The following MDGA2 variants were observed in gnomAD, a reference collection of about 807,000 sequenced individuals.
MDGA2 encodes the protein MAM domain-containing glycosylphosphatidylinositol anchor protein 2.
MDGA2 carries 40 observed loss-of-function variants against 117.8 expected under a neutral mutation model. The ratio of observed to expected loss-of-function variants is 0.34; its 90% CI spans 0.26 to 0.44. MDGA2 has a LOEUF of 0.44. MDGA2 is among the 20% of genes least tolerant of loss of function. The probability of loss-of-function intolerance (pLI) is 1.00; values close to 1 mark genes in which losing one functional copy is unlikely to be tolerated. For missense variants in MDGA2, 1,123 were observed against 1,250.6 expected, an observed-to-expected ratio of 0.90 and a Z score of 1.54; for synonymous variants, 452 against 439.0, an observed-to-expected ratio of 1.03 and a Z score of -0.37.
intron 1 of MDGA2, 150 bp from the exon 2 acceptor site, chr14:47,301,700 A>C: frequency 1.3e-6 from 1 of 755,466 alleles, no homozygotes; most frequent in Non-Finnish European, 2.1e-6. Flanking sequence ...TCCCCAAGGC[A>C]TTAAAGATTT....
At chr14:47,272,203 C>T (rs762711718) in intron 2 of MDGA2, among the ~76,000 whole-genome samples, 3 of 143,044 alleles carry the variant, frequency 2.1e-5, no homozygotes, top group East Asian at 2.9e-4. Context: ...TAACTACCTG[C>T]CCAGGCCCTT....
At chr14:47,066,524 A>G (rs1890087488) in intron 6 of MDGA2, among the ~76,000 whole-genome samples, 1 of 152,222 alleles carries the variant, frequency 6.6e-6, no homozygotes, top group Admixed American at 6.5e-5. Context: ...TGTGAGGAAG[A>G]GAATTCTGTA....
intron 15 of MDGA2, among the ~76,000 whole-genome samples, chr14:46,851,175 G>C (rs1271963632): frequency 6.6e-6 from 1 of 151,768 alleles, no homozygotes; most frequent in Non-Finnish European, 1.5e-5. Flanking sequence ...AGAGCAGGAG[G>C]TTTCCAGAAT....
intron 1 of MDGA2, among the ~76,000 whole-genome samples, chr14:47,561,141 G>GTTTGTTTTTTTTTTTTTTTTTTT (rs1555332241): frequency 9.6e-5 from 5 of 52,148 alleles, no homozygotes; most frequent in Non-Finnish European, 1.7e-4. Flanking sequence ...CTCTATCTTT[G>GTTTGTTTTTTTTTTTTTTTTTTT]TTTTTTTTTT....
chr14:47,260,836 A>T (rs1887771950), intron 2 of MDGA2, among the ~76,000 whole-genome samples: 1 of 152,038 alleles, frequency 6.6e-6, no homozygotes, highest in South Asian at 2.1e-4. Context: ...CTTTGTACAT[A>T]GTACGTTGTA....
chr14:47,572,270 C>G (rs990538447), intron 1 of MDGA2, among the ~76,000 whole-genome samples: 1 of 152,148 alleles, frequency 6.6e-6, no homozygotes, highest in Non-Finnish European at 1.5e-5. Context: ...TCCATGTGCT[C>G]TCTTATTACT....
intron 1 of MDGA2, among the ~76,000 whole-genome samples, chr14:47,641,914 CAGAGGAGAGTGAAGGG>C (rs1897432449): frequency 6.6e-6 from 1 of 151,912 alleles, no homozygotes; most frequent in Admixed American, 6.6e-5. Flanking sequence ...AAGAGGAGAG[CAGAGGAGAGTGAAGGG>C]GAAAGAAGAG....
At chr14:47,260,569 T>C (rs1054747254) in intron 2 of MDGA2, among the ~76,000 whole-genome samples, 4 of 151,968 alleles carry the variant, frequency 2.6e-5, no homozygotes, top group Non-Finnish European at 5.9e-5. Context: ...AGAAACATCA[T>C]AGAAAAAATT....
chr14:47,333,211 T>C (rs111461150), intron 1 of MDGA2, among the ~76,000 whole-genome samples: 1 of 151,888 alleles, frequency 6.6e-6, no homozygotes, highest in Non-Finnish European at 1.5e-5. Flanking sequence ...ATTTGAGAAA[T>C]CTCCATACTG....
chr14:47,370,922 T>A (rs183550722), intron 1 of MDGA2, among the ~76,000 whole-genome samples: 5 of 152,004 alleles, frequency 3.3e-5, no homozygotes, highest in Admixed American at 2.0e-4. Context: ...GTACATTTTA[T>A]GTCTCGAACC....
chr14:47,284,388 A>G (rs1888601311), intron 2 of MDGA2, among the ~76,000 whole-genome samples: 1 of 152,186 alleles, frequency 6.6e-6, no homozygotes, highest in African/African-American at 2.4e-5. Flanking sequence ...ATGGAAAAAC[A>G]AACTTGTGGG....
At chr14:47,212,660 T>C (rs913871240) in intron 3 of MDGA2, among the ~76,000 whole-genome samples, 3 of 152,224 alleles carry the variant, frequency 2.0e-5, no homozygotes, top group Admixed American at 6.5e-5. Flanking sequence ...TTAACTCTTA[T>C]ACTAACCTCC....
chr14:47,571,200 T>C (rs1045631739), intron 1 of MDGA2, among the ~76,000 whole-genome samples: 1 of 152,112 alleles, frequency 6.6e-6, no homozygotes, highest in African/African-American at 2.4e-5. Context: ...AAAACCACAA[T>C]GAGATACCAT....
chr14:47,264,874 G>A (rs1887913505), intron 2 of MDGA2, among the ~76,000 whole-genome samples: 1 of 151,776 alleles, frequency 6.6e-6, no homozygotes, highest in African/African-American at 2.4e-5. Flanking sequence ...CCCCAGACAG[G>A]CCCCCATGTG....
At chr14:47,070,970 G>T (rs138524212) in intron 6 of MDGA2, among the ~76,000 whole-genome samples, 6 of 152,300 alleles carry the variant, frequency 3.9e-5, no homozygotes, top group Non-Finnish European at 8.8e-5. Context: ...TATTACATCT[G>T]AGTTGAGTTA....
At chr14:47,139,790 A>G (rs866040336) in intron 4 of MDGA2, among the ~76,000 whole-genome samples, 1 of 86,036 alleles carries the variant, frequency 1.2e-5, no homozygotes, top group Non-Finnish European at 2.2e-5. Context: ...ACAAATATAT[A>G]TGTGTATATA....
chr14:47,508,690 GT>G (rs1032223185), intron 1 of MDGA2, among the ~76,000 whole-genome samples: 1 of 151,816 alleles, frequency 6.6e-6, no homozygotes, highest in Admixed American at 6.6e-5. Flanking sequence ...TTGTTTGTTT[GT>G]TTTTTTGAGA....
At chr14:47,154,469 G>A (rs1251511752) in intron 3 of MDGA2, among the ~76,000 whole-genome samples, 3 of 152,144 alleles carry the variant, frequency 2.0e-5, no homozygotes. Flanking sequence ...CCACCCAGCC[G>A]CAGCAGTGGA....
At chr14:47,418,032 T>C (rs1480001111) in intron 1 of MDGA2, among the ~76,000 whole-genome samples, 1 of 152,036 alleles carries the variant, frequency 6.6e-6, no homozygotes, top group Non-Finnish European at 1.5e-5. Context: ...TTTTCTATCT[T>C]AGTTTGTTTG....
Sources: allele counts gnomAD v4.1 joint callset (sites outside exome capture counted in the v4.1 genomes callset), GRCh38; gene constraint gnomAD v4.1.1; transcripts MANE v1.5; gene names NCBI Gene and HGNC (gene_info 2026-07-23, HGNC 2026-07-21).